The following EYS variants were observed in gnomAD, a reference collection of about 807,000 sequenced individuals.
The protein encoded by EYS is protein eyes shut homolog.
Under a neutral mutation model 282.1 loss-of-function variants are expected in EYS, and 250 were observed. The observed-to-expected ratio is 0.89, with a 90% CI of 0.80 to 0.98. The LOEUF is 0.98. Ranked by LOEUF, EYS falls within the 50% of genes least tolerant of loss-of-function variation. EYS has a pLI of 0.00. For synonymous variants in EYS, 1,355 were observed against 1,282.9 expected (o/e 1.06, Z -1.20); for missense variants, 4,016 against 3,709.0 (o/e 1.08, Z -2.15).
At chr6:65,217,667 G>A (rs564522851) in intron 12 of EYS, among the ~76,000 whole-genome samples, 1 of 152,108 alleles carries the variant, frequency 6.6e-6, no homozygotes, top group South Asian at 2.1e-4. Context: ...GCAATGAAAA[G>A]AGCCATATGA....
chr6:63,898,731 C>T (rs1773594335), intron 35 of EYS, among the ~76,000 whole-genome samples: 2 of 151,930 alleles, frequency 1.3e-5, no homozygotes, highest in Admixed American at 1.3e-4. Flanking sequence ...ACTCAAATAT[C>T]ACTCGAATGA....
chr6:64,502,936 C>T (rs1226401858), intron 26 of EYS, among the ~76,000 whole-genome samples: 2 of 152,068 alleles, frequency 1.3e-5, no homozygotes, highest in Non-Finnish European at 2.9e-5. Flanking sequence ...TATTTTAGCC[C>T]CTTATCAGCA....
At chr6:64,456,673 T>C (rs1385646086) in intron 26 of EYS, among the ~76,000 whole-genome samples, 1 of 152,042 alleles carries the variant, frequency 6.6e-6, no homozygotes, top group Non-Finnish European at 1.5e-5. Flanking sequence ...AAGTGGGTTT[T>C]TTTGCAGGCA....
At chr6:64,807,063 T>C (rs919154791) in intron 22 of EYS, among the ~76,000 whole-genome samples, 1 of 152,182 alleles carries the variant, frequency 6.6e-6, no homozygotes, top group African/African-American at 2.4e-5. Flanking sequence ...ATTAAAGTGT[T>C]ACACATGGTT....
At chr6:64,510,607 C>T (rs867859594) in intron 26 of EYS, among the ~76,000 whole-genome samples, 2 of 151,830 alleles carry the variant, frequency 1.3e-5, no homozygotes, top group African/African-American at 2.4e-5. Context: ...ACTATTAGTG[C>T]GCTGCACAAA....
chr6:65,374,966 T>C lies in EYS; in HGVS notation c.1299+9420A>G, dbSNP rs374067332. ...GGCTGTGGTCGCAGCTTCAGTGGAC[T>C]TAAGCATTCCTGCCTGTCAGCTCTG... On this transcript the variant is annotated intron_variant, in intron 8 of 42. Coordinates refer to ENST00000503581, the MANE Select transcript of EYS (RefSeq NM_001142800.2). 4.6e-5 allele frequency among the ~76,000 whole-genome samples: 7 copies of C among 152,280 alleles called. No individual in the cohort carries two copies. The East Asian group carries it at 1.4e-3, about 29-fold the overall frequency.
intron 36 of EYS, among the ~76,000 whole-genome samples, chr6:63,811,335 T>G (rs1771041300): frequency 1.3e-5 from 2 of 152,258 alleles, no homozygotes; most frequent in African/African-American, 4.8e-5. Flanking sequence ...AGATCACTAG[T>G]GACCACAGTC....
intron 12 of EYS, among the ~76,000 whole-genome samples, chr6:65,130,777 C>G (rs1245693779): frequency 1.3e-5 from 2 of 148,608 alleles, no homozygotes; most frequent in East Asian, 2.0e-4. Context: ...GAACAAACGG[C>G]ACATGTACCC....
intron 26 of EYS, among the ~76,000 whole-genome samples, chr6:64,464,427 G>A (rs969227635): frequency 2.6e-5 from 4 of 151,992 alleles, no homozygotes; most frequent in African/African-American, 9.7e-5. Flanking sequence ...ACGTAATCCT[G>A]GAAGTCCAAG....
chr6:65,125,072 C>T (rs757302040), intron 12 of EYS, among the ~76,000 whole-genome samples: 2 of 152,190 alleles, frequency 1.3e-5, no homozygotes, highest in African/African-American at 4.8e-5. Flanking sequence ...GGTCATTTGT[C>T]TAAGTTGTGG....
intron 26 of EYS, among the ~76,000 whole-genome samples, chr6:64,542,626 G>T (rs1392976036): frequency 6.6e-6 from 1 of 151,986 alleles, no homozygotes; most frequent in Non-Finnish European, 1.5e-5. Context: ...TTAAAGCAAT[G>T]CTCAATTTTA....
At chr6:64,647,147 T>C (rs1338419460) in intron 22 of EYS, among the ~76,000 whole-genome samples, 2 of 152,278 alleles carry the variant, frequency 1.3e-5, no homozygotes, top group East Asian at 3.9e-4. Flanking sequence ...TCCGAAAACA[T>C]CTCATATAAA....
intron 29 of EYS, among the ~76,000 whole-genome samples, chr6:64,353,546 T>G (rs1366277962): frequency 1.3e-5 from 2 of 151,558 alleles, no homozygotes; most frequent in African/African-American, 4.8e-5. Flanking sequence ...TTTTTCCCTC[T>G]GGGTTTGTTG....
At chr6:65,092,345 C>A (rs1017395480) in intron 12 of EYS, among the ~76,000 whole-genome samples, 1 of 152,138 alleles carries the variant, frequency 6.6e-6, no homozygotes, top group Non-Finnish European at 1.5e-5. Context: ...TGCTTTATTT[C>A]TCAGGCATTC....
chr6:65,449,666 C>T (rs1451188795), intron 5 of EYS, among the ~76,000 whole-genome samples: 3 of 152,144 alleles, frequency 2.0e-5, no homozygotes, highest in East Asian at 3.9e-4. Context: ...ATTTTGGTAT[C>T]TCATTTTAAA....
intron 22 of EYS, among the ~76,000 whole-genome samples, chr6:64,640,775 A>C (rs549017692): frequency 2.6e-5 from 4 of 152,348 alleles, no homozygotes; most frequent in African/African-American, 9.6e-5. Flanking sequence ...AAACATTCTT[A>C]AGCTTCATGA....
intron 31 of EYS, among the ~76,000 whole-genome samples, chr6:64,089,088 T>G (rs1582251371): frequency 6.6e-6 from 1 of 151,852 alleles, no homozygotes; most frequent in East Asian, 1.9e-4. Context: ...TTTTTCACCT[T>G]CCCCAGAAAG....
chr6:64,130,850 CG>C (rs1773950474), intron 31 of EYS, among the ~76,000 whole-genome samples: 1 of 151,992 alleles, frequency 6.6e-6, no homozygotes, highest in South Asian at 2.1e-4. Flanking sequence ...GAGGCTGTGG[CG>C]GTGAACAGTG....
chr6:65,452,817 T>C (rs1222300338), intron 5 of EYS, among the ~76,000 whole-genome samples: 1 of 152,014 alleles, frequency 6.6e-6, no homozygotes, highest in Non-Finnish European at 1.5e-5. Context: ...GTGGCCCATA[T>C]CAACAATCAG....
Sources: allele counts gnomAD v4.1 joint callset (sites outside exome capture counted in the v4.1 genomes callset), GRCh38; gene constraint gnomAD v4.1.1; transcripts MANE v1.5; gene names NCBI Gene and HGNC (gene_info 2026-07-23, HGNC 2026-07-21).